Variants in PACS2 observed in about 807,000 individuals in gnomAD.
PACS2 encodes phosphofurin acidic cluster sorting protein 2.
In PACS2, 36 loss-of-function variants were observed where a neutral mutation model predicts 113.0. That is an observed-to-expected ratio of 0.32 (90% confidence interval 0.24 to 0.42). The LOEUF is 0.42. Ranked by LOEUF, PACS2 falls within the 10% of genes least tolerant of loss-of-function variation. The pLI, the probability that PACS2 is intolerant of heterozygous loss-of-function variation, is 1.00. For missense variants in PACS2, 1,015 were observed against 1,239.5 expected (o/e 0.82, Z 2.72); for synonymous variants, 589 against 536.1 (o/e 1.10, Z -1.36).
chr14:105,389,299 C>T (rs782404186), intron 19 of PACS2: 5 of 152,624 alleles, frequency 3.3e-5, no homozygotes, highest in African/African-American at 9.6e-5. Context: ...GGCAAAACCT[C>T]CACTGCCCGC....
At chr14:105,394,489 A>G (rs2081478218) in intron 24 of PACS2, 65 bp from the exon 25 acceptor site, 1 of 1,594,780 alleles carries the variant, frequency 6.3e-7, no homozygotes, top group Non-Finnish European at 8.5e-7. Flanking sequence ...TGGGCCAGGC[A>G]GGCAGGTGGA....
rs1348621927 is a variant in PACS2 at position 105,384,987 on chromosome 14, G to T, written c.2000G>T (p.Arg667Met). The T allele has an allele frequency of 6.5e-7, 1 of 1,543,662 alleles. No homozygotes were observed. The highest frequency in any genetic ancestry group is 1.9e-5 in the Admixed American group (1 of 53,270). The change falls in exon 18 of 25, where the codon AGG (arginine) becomes ATG (methionine). Residue 667 changes from arginine (R) to methionine (M), a missense_variant and splice_region_variant. This residue lies in a region of PACS2 where 859 missense variants were observed against 1,056.8 expected (regional missense o/e 0.81). Coordinates refer to ENST00000447393, the MANE Select transcript of PACS2 (RefSeq NM_001100913.3). ...GCCATGCTGACCTACAAGCAGAAGA[G>T]GTAACGCGGTGGGCCCAGGCACCAT... ...AEAMLTYKQKRKKHFHFDFTL... is the reference protein window; with the variant it reads ...AEAMLTYKQKMKKHFHFDFTL...
intron 1 of PACS2, among the ~76,000 whole-genome samples, chr14:105,341,169 CAT>C (rs1217682835): frequency 1.1e-4 from 17 of 152,246 alleles, no homozygotes; most frequent in Non-Finnish European, 2.1e-4. Flanking sequence ...GTGTAGAGAA[CAT>C]GTGCTCATTC....
intron 17 of PACS2, 29 bp from the exon 18 acceptor site, chr14:105,384,850 T>G: frequency 7.2e-7 from 1 of 1,393,406 alleles, no homozygotes; most frequent in Non-Finnish European, 1.0e-6. Context: ...GGCACCAGCC[T>G]AACCCCCCAC....
chr14:105,384,857 C>A, intron 17 of PACS2, 22 bp from the exon 18 acceptor site: 1 of 1,482,798 alleles, frequency 6.7e-7, no homozygotes, highest in Non-Finnish European at 9.2e-7. Flanking sequence ...GCCTAACCCC[C>A]CACCGCCTCC....
At chr14:105,336,329 T>C (rs977959865) in intron 1 of PACS2, 1 of 152,346 alleles carries the variant, frequency 6.6e-6, no homozygotes, top group Non-Finnish European at 1.5e-5. Context: ...AGTGCTCCCT[T>C]GTCCTGCTCG....
Position 105,385,694 on chromosome 14 carries a change from T to C in PACS2, c.2010T>C (p.His670=). 1.3e-6 allele frequency: 2 copies of C among 1,521,656 alleles called. No individual in the cohort carries two copies. Among genetic ancestry groups the C allele is most frequent in the Non-Finnish European group, 1.8e-6 (2 of 1,137,942 alleles). The allele number at this position is 1,521,656 out of a possible 1,614,324, so 94.3% of individuals were successfully genotyped here. The change falls in exon 19 of 25, where the codon CAT becomes CAC. Residue 670 remains histidine, a synonymous_variant. Transcript: ENST00000447393. The part of the protein sequence containing the change: ...MLTYKQKRKK[H]FHFDFTLSPD... ...GTGGCTTTCTGAAAAGGAAAAAGCA[T>C]TTTCATTTTGACTTTACCCTAAGGT... is the stretch of plus-strand genomic sequence containing the variant.
At chr14:105,379,932 C>A in intron 10 of PACS2, 103 bp downstream of exon 10, 1 of 1,367,446 alleles carries the variant, frequency 7.3e-7, no homozygotes, top group Non-Finnish European at 1.0e-6. Flanking sequence ...CCCTGTCCAG[C>A]TGTCCTGGAG....
At chr14:105,314,462 G>C (rs1054027103), upstream of PACS2, 1 of 149,212 alleles carries the variant, frequency 6.7e-6, no homozygotes, top group Admixed American at 6.6e-5. Context: ...CTCCCGGGGG[G>C]CGGGGCGGGG....
At chr14:105,313,681 C>T (rs1200988243), upstream of PACS2, among the ~76,000 whole-genome samples, 1 of 152,226 alleles carries the variant, frequency 6.6e-6, no homozygotes, top group Non-Finnish European at 1.5e-5. Context: ...TTTGCTCGGG[C>T]TGGATTTGTT....
In PACS2 at chr14:105,368,470, G is replaced by C; in HGVS notation, c.672G>C (p.Glu224Asp). The C allele has an allele frequency of 6.2e-7, 1 of 1,613,890 alleles. No homozygotes were observed. The change falls in exon 7 of 25, where the codon GAG (glutamate) becomes GAC (aspartate). Residue 224 changes from glutamate (E) to aspartate (D), a missense_variant. Transcript: ENST00000447393. ...DDAVQGQDLDEDDFDVGKPKK... is the reference protein window; with the variant it reads ...DDAVQGQDLDDDDFDVGKPKK... Reference sequence around the variant, plus strand: ...ATATGTCTCTGCAGGACTTGGACGAGGACGACTTTGACGTGGGGAAGCCGA... The same window carrying C: ...ATATGTCTCTGCAGGACTTGGACGACGACGACTTTGACGTGGGGAAGCCGA...
intron 1 of PACS2, among the ~76,000 whole-genome samples, chr14:105,337,130 G>A (rs1050240956): frequency 3.3e-5 from 5 of 152,256 alleles, no homozygotes; most frequent in East Asian, 1.9e-4. Context: ...AGGCTGCAAC[G>A]TGGATGGAAC....
rs782371346 is a variant in PACS2 at position 105,382,565 on chromosome 14, C to G, written c.1502C>G (p.Ser501Trp). The change falls in exon 14 of 25, where the codon TCG becomes TGG. Residue 501 changes from serine (S) to tryptophan (W), a missense_variant. Ser to Trp is a radical substitution (Grantham distance 177). Around this residue, in one of 3 missense-constraint regions of PACS2, gnomAD observed 859 missense variants for 1,056.8 expected, o/e 0.81. Transcript: ENST00000447393. The stretch of plus-strand genomic sequence containing the variant: ...GAAAACATCATCCTTGTCAACACCT[C>G]GGACTGGCAGGGGCAGGTAGAGGGG... ...LPENIILVNTSDWQGQFLSDV... is the reference protein window; with the variant it reads ...LPENIILVNTWDWQGQFLSDV... 2 of 1,607,186 alleles carry G rather than the reference C, an allele frequency of 1.2e-6. No homozygotes were observed. Among genetic ancestry groups the G allele is most frequent in the Non-Finnish European group, 1.7e-6 (2 of 1,173,996 alleles).
At chr14:105,372,949 A>G (rs2061210463) in intron 8 of PACS2, 1 of 152,224 alleles carries the variant, frequency 6.6e-6, no homozygotes, top group Non-Finnish European at 1.5e-5. Context: ...ATTTGCAAAT[A>G]ACATACCTGG....
In PACS2 at chr14:105,314,889, G is replaced by C; in HGVS notation, c.-30G>C. The stretch of plus-strand genomic sequence containing the variant: ...CGTCCGCGGCCCGGCCGCAGCCCCA[G>C]GCCGCCGAGGGAGCGGCGGGGCCGG... On this transcript the variant is annotated 5_prime_UTR_variant, in exon 1 of 25. Transcript: ENST00000447393. The C allele has an allele frequency of 1.0e-6, 1 of 963,434 alleles. No individual in the cohort carries two copies. The highest frequency in any genetic ancestry group is 1.2e-6 in the Non-Finnish European group (1 of 813,438). 59.7% of individuals were successfully genotyped at this position (963,434 alleles called of 1,614,324 possible).
chr14:105,362,255 G>A (rs182699526), intron 4 of PACS2, among the ~76,000 whole-genome samples: 2,695 of 147,976 alleles, frequency 0.018, 67 homozygotes, highest in African/African-American at 0.059. Flanking sequence ...CGTCTCTACT[G>A]AAAATATAAA....
At chr14:105,373,846 G>C (rs782107844) in intron 8 of PACS2, among the ~76,000 whole-genome samples, 1 of 151,696 alleles carries the variant, frequency 6.6e-6, no homozygotes, top group African/African-American at 2.4e-5. Context: ...TTAACTAAAT[G>C]GATCAGCTGG....
chr14:105,373,197 T>C (rs1468282460), intron 8 of PACS2, among the ~76,000 whole-genome samples: 1 of 152,250 alleles, frequency 6.6e-6, no homozygotes, highest in Non-Finnish European at 1.5e-5. Flanking sequence ...GCGTATCAGA[T>C]TCCCAGCTGT....
chr14:105,392,503 G>A (rs587630817), intron 22 of PACS2, 116 bp from the exon 23 acceptor site: 215 of 866,508 alleles, frequency 2.5e-4, no homozygotes, highest in Non-Finnish European at 3.4e-4. Context: ...GCCCTCCTCT[G>A]CTGGCAAGTT....
Sources: allele counts gnomAD v4.1 joint callset (sites outside exome capture counted in the v4.1 genomes callset), GRCh38; gene constraint gnomAD v4.1.1; regional missense constraint gnomAD v4.1.1; transcripts MANE v1.5; gene names NCBI Gene and HGNC (gene_info 2026-07-23, HGNC 2026-07-21).